The following DPP10 variants were observed in gnomAD, a reference collection of about 807,000 sequenced individuals.
DPP10 encodes inactive dipeptidyl peptidase 10.
A neutral mutation model predicts 120.9 loss-of-function variants in DPP10; 33 were observed. The ratio of observed to expected loss-of-function variants is 0.27; its 90% CI spans 0.21 to 0.37. The LOEUF (loss-of-function observed/expected upper bound fraction) is 0.37, where lower values mean the gene tolerates loss of function less well. Ranked by LOEUF, DPP10 falls within the 10% of genes least tolerant of loss-of-function variation. The pLI, the probability that DPP10 is intolerant of heterozygous loss-of-function variation, is 1.00. For missense variants in DPP10, 816 were observed against 942.8 expected (o/e 0.87, Z 1.76); for synonymous variants, 337 against 326.1 (o/e 1.03, Z -0.36).
chr2:115,457,573 C>T (rs2105033549), intron 3 of DPP10, among the ~76,000 whole-genome samples: 1 of 152,190 alleles, frequency 6.6e-6, no homozygotes, highest in African/African-American at 2.4e-5. Context: ...GTAATACATA[C>T]ATGGAAAGGT....
rs531915594 is a variant in DPP10 at position 115,292,247 on chromosome 2, G to C, written c.61-16992G>C. 2.6e-5 allele frequency among the ~76,000 whole-genome samples: 4 copies of C among 152,154 alleles called. No individual in the cohort carries two copies. The South Asian group carries it at 8.3e-4, about 32-fold the overall frequency. On this transcript the variant is annotated intron_variant, in intron 1 of 25. Transcript: ENST00000410059. ...ATAGTAGACTTCATATATTTGTAAAGCTACATAACTACATATAAAACCAAT... is the reference window on the plus strand; with the variant it reads ...ATAGTAGACTTCATATATTTGTAAACCTACATAACTACATATAAAACCAAT...
intron 19 of DPP10, among the ~76,000 whole-genome samples, chr2:115,797,516 C>G (rs191243087): frequency 1.2e-3 from 180 of 152,064 alleles, no homozygotes; most frequent in African/African-American, 4.0e-3. Flanking sequence ...ATGTTTGTCT[C>G]AAAGAGGGAT....
chr2:114,985,928 AAC>A (rs1700366072), intron 1 of DPP10, among the ~76,000 whole-genome samples: 1 of 152,218 alleles, frequency 6.6e-6, no homozygotes, highest in African/African-American at 2.4e-5. Flanking sequence ...TTTAAAAATA[AAC>A]ACAAACACTT....
intron 2 of DPP10, among the ~76,000 whole-genome samples, chr2:115,319,754 A>G (rs992729939): frequency 3.9e-5 from 6 of 152,152 alleles, no homozygotes; most frequent in Non-Finnish European, 7.4e-5. Flanking sequence ...AAAGTCCAAG[A>G]TCAAGGTTCT....
Position 114,527,815 on chromosome 2 carries a change from C to T in DPP10, c.60+84977C>T, listed in dbSNP as rs551327296. 5.9e-5 allele frequency among the ~76,000 whole-genome samples: 9 copies of T among 152,164 alleles called. No individual in the cohort carries two copies. In the East Asian group the frequency reaches 1.7e-3, roughly 29 times the overall value. Reference sequence around the variant, plus strand: ...ATTGCTCCTAAGATACAAACCTGTACAGCATGTTACTGTACTGAATACTGT... The same window carrying T: ...ATTGCTCCTAAGATACAAACCTGTATAGCATGTTACTGTACTGAATACTGT... On this transcript the variant is annotated intron_variant, in intron 1 of 25. Transcript: ENST00000410059.
intron 1 of DPP10, among the ~76,000 whole-genome samples, chr2:114,720,955 G>C (rs1701666920): frequency 6.6e-6 from 1 of 152,154 alleles, no homozygotes; most frequent in Non-Finnish European, 1.5e-5. Context: ...TCATGTCTTG[G>C]AAAAGAGCTG....
At chr2:115,484,881 AT>A (rs1395499850) in intron 3 of DPP10, among the ~76,000 whole-genome samples, 2 of 152,254 alleles carry the variant, frequency 1.3e-5, no homozygotes, top group East Asian at 3.9e-4. Context: ...ACAATGACTT[AT>A]CTATCAATTC....
intron 1 of DPP10, among the ~76,000 whole-genome samples, chr2:114,720,165 G>A (rs1241542214): frequency 1.3e-5 from 2 of 152,178 alleles, no homozygotes; most frequent in Non-Finnish European, 2.9e-5. Flanking sequence ...TGAGAGACAG[G>A]AGGTGGGGAA....
chr2:114,867,458 T>C (rs1690329822), intron 1 of DPP10, among the ~76,000 whole-genome samples: 1 of 152,204 alleles, frequency 6.6e-6, no homozygotes, highest in Admixed American at 6.5e-5. Context: ...TTTTAGCTTC[T>C]TCTGCCCTCT....
intron 1 of DPP10, among the ~76,000 whole-genome samples, chr2:114,580,991 AG>A (rs1690461985): frequency 1.3e-5 from 2 of 152,094 alleles, no homozygotes; most frequent in South Asian, 4.2e-4. Flanking sequence ...AGGGACCAAA[AG>A]ATTACCAGGT....
chr2:114,587,776 T>C (rs2105134141), intron 1 of DPP10, among the ~76,000 whole-genome samples: 1 of 152,360 alleles, frequency 6.6e-6, no homozygotes, highest in East Asian at 1.9e-4. Context: ...TTTTTGATTC[T>C]ACCTAAAGTT....
chr2:115,371,069 G>T (rs2106398883), intron 3 of DPP10, among the ~76,000 whole-genome samples: 1 of 152,234 alleles, frequency 6.6e-6, no homozygotes, highest in Non-Finnish European at 1.5e-5. Flanking sequence ...GAATATTATA[G>T]TGCTGGCTAC....
chr2:114,805,062 C>T (rs545378311), intron 1 of DPP10, among the ~76,000 whole-genome samples: 3 of 152,164 alleles, frequency 2.0e-5, no homozygotes, highest in Admixed American at 6.5e-5. Context: ...ATAAGTCTCA[C>T]GAGATCTGAT....
intron 1 of DPP10, among the ~76,000 whole-genome samples, chr2:114,449,638 G>A (rs575427033): frequency 1.3e-5 from 2 of 152,118 alleles, no homozygotes; most frequent in South Asian, 4.2e-4. Context: ...TGGTCTTGCG[G>A]AAGGCAATTA....
Position 115,747,751 on chromosome 2 carries a change from G to A in DPP10, c.950+1568G>A, listed in dbSNP as rs536553148. Among the ~76,000 whole-genome samples, 51 of 152,050 alleles carry A rather than the reference G, an allele frequency of 3.4e-4. 2 individuals are homozygous for A. Among genetic ancestry groups the A allele is most frequent in the African/African-American group, 1.1e-3 (45 of 41,482 alleles). Reference sequence around the variant, plus strand: ...TGGGAGTACAGGCACCTGCCACCACGCCCAGCTAATTTTTTGAATTTTTAG... The same window carrying A: ...TGGGAGTACAGGCACCTGCCACCACACCCAGCTAATTTTTTGAATTTTTAG... On this transcript the variant is annotated intron_variant, in intron 10 of 25. Coordinates refer to ENST00000410059, the MANE Select transcript of DPP10 (RefSeq NM_020868.6).
At chr2:114,737,665 A>G (rs1215335277) in intron 1 of DPP10, among the ~76,000 whole-genome samples, 1 of 152,224 alleles carries the variant, frequency 6.6e-6, no homozygotes, top group Admixed American at 6.5e-5. Context: ...TGAAATCACC[A>G]AAGCCCCAGA....
At chr2:115,110,883 C>G (rs7589261) in intron 1 of DPP10, among the ~76,000 whole-genome samples, 2,475 of 152,090 alleles carry the variant, frequency 0.016, 53 homozygotes, top group African/African-American at 0.047. Context: ...TTTCCTGGAG[C>G]TTGTTTATAT....
intron 5 of DPP10, among the ~76,000 whole-genome samples, chr2:115,540,609 GT>G: frequency 6.6e-6 from 1 of 151,936 alleles, no homozygotes; most frequent in East Asian, 1.9e-4. Context: ...AATAATCTAA[GT>G]TATTCGTGCA....
chr2:115,485,239 A>C (rs1488866727), intron 3 of DPP10, among the ~76,000 whole-genome samples: 5 of 5,776 alleles, frequency 8.7e-4, no homozygotes, highest in Admixed American at 1.6e-3. Flanking sequence ...ACACTGTTCC[A>C]AAAAAAAAAA....
Sources: allele counts gnomAD v4.1 joint callset (sites outside exome capture counted in the v4.1 genomes callset), GRCh38; gene constraint gnomAD v4.1.1; transcripts MANE v1.5; gene names NCBI Gene and HGNC (gene_info 2026-07-23, HGNC 2026-07-21).